RYR1: variants seen among roughly 807,000 people sequenced by gnomAD.
The protein encoded by RYR1 is central core disease of muscle.
A neutral mutation model predicts 583.5 loss-of-function variants in RYR1; 342 were observed. The ratio of observed to expected loss-of-function variants is 0.59; its 90% CI spans 0.54 to 0.64. The LOEUF (loss-of-function observed/expected upper bound fraction) is 0.64, where lower values mean the gene tolerates loss of function less well. RYR1 is among the 30% of genes least tolerant of loss of function. RYR1 has a pLI of 0.00. For missense variants in RYR1, 6,032 were observed against 6,917.2 expected (o/e 0.87, Z 4.54); for synonymous variants, 2,791 against 2,822.5 (o/e 0.99, Z 0.35).
intron 25 of RYR1, among the ~76,000 whole-genome samples, chr19:38,468,682 C>T (rs143955076): frequency 1.3e-5 from 2 of 152,222 alleles, no homozygotes; most frequent in Non-Finnish European, 2.9e-5. Flanking sequence ...TCCAGCCCCC[C>T]ACTACCACTT....
intron 93 of RYR1, 101 bp from the exon 94 acceptor site, chr19:38,570,506 T>A: frequency 2.5e-6 from 2 of 790,410 alleles, no homozygotes; most frequent in South Asian, 2.8e-5. Context: ...GGAAAGATAT[T>A]GAGAGCCCAG....
chr19:38,469,968 G>A (rs904368966), intron 27 of RYR1, among the ~76,000 whole-genome samples: 1 of 152,044 alleles, frequency 6.6e-6, no homozygotes, highest in Admixed American at 6.6e-5. Context: ...TACTCAGGAG[G>A]TTGAGACTGG....
intron 96 of RYR1, among the ~76,000 whole-genome samples, chr19:38,574,108 A>T (rs1276691051): frequency 6.6e-6 from 1 of 152,028 alleles, no homozygotes; most frequent in Non-Finnish European, 1.5e-5. Context: ...TACTAAAAAT[A>T]CAAAAAGTAG....
chr19:38,561,063 A>C lies in RYR1; in HGVS notation c.12283-50A>C. The C allele has an allele frequency of 7.2e-7, 1 of 1,388,942 alleles. No individual in the cohort carries two copies. Among genetic ancestry groups the C allele is most frequent in the Non-Finnish European group, 1.0e-6 (1 of 999,182 alleles). 86.0% of individuals were successfully genotyped at this position (1,388,942 alleles called of 1,614,324 possible). A position where few individuals can be genotyped will look rare whatever the true frequency, so the allele number is the denominator to read the frequency against. On this transcript the variant is annotated intron_variant, in intron 89 of 105. Transcript: ENST00000359596. This position sits in a 1 kb window ranked among gnomAD's most constrained non-coding sequence, Gnocchi z 4.8. ...CTTAAAAAAAAAAAAAAAAAGAGAG[A>C]GAATTGAGGCTCTCCAGGTCACCCC...
chr19:38,490,565 C>G, intron 36 of RYR1, 56 bp from the exon 37 acceptor site: 1 of 1,141,042 alleles, frequency 8.8e-7, no homozygotes. Flanking sequence ...TCTCTGATCT[C>G]AGAGTTCCTG....
intron 50 of RYR1, 53 bp from the exon 51 acceptor site, chr19:38,504,695 G>A: frequency 6.2e-7 from 1 of 1,603,972 alleles, no homozygotes; most frequent in Non-Finnish European, 8.5e-7. Flanking sequence ...AGGTCCTGGG[G>A]GTCAGTAAGG....
At chr19:38,540,134 A>G (rs1972135450) in intron 84 of RYR1, among the ~76,000 whole-genome samples, 1 of 152,136 alleles carries the variant, frequency 6.6e-6, no homozygotes, top group African/African-American at 2.4e-5. Flanking sequence ...AAATACTTTC[A>G]GGGGCTGTTA....
intron 84 of RYR1, among the ~76,000 whole-genome samples, chr19:38,541,422 A>C (rs7245673): frequency 0.057 from 7,916 of 138,882 alleles, 718 homozygotes; most frequent in African/African-American, 0.2. Context: ...TCAATGTAAA[A>C]AGGATTTCCT....
rs1970366591 is a variant in RYR1, at chr19:38,504,829, G to A, written c.8149G>A (p.Ala2717Thr). Reference protein sequence around the residue: ...AGALPPDYVDASYSSKAEKKA... With the variant: ...AGALPPDYVDTSYSSKAEKKA... ...GGCTCTGCCCCCCGACTATGTGGAT[G>A]CCTCATACTCATCTAAGGCAGAGAA... The change falls in exon 51 of 106, where the codon GCC becomes ACC. Residue 2717 changes from alanine to threonine, a missense_variant. This residue lies in a region of RYR1 where 1,493 missense variants were observed against 1,715.5 expected (regional missense o/e 0.87). Transcript: ENST00000359596. The A allele has an allele frequency of 5.0e-6, 8 of 1,613,956 alleles. No individual in the cohort carries two copies. The highest frequency in any genetic ancestry group is 5.9e-6 in the Non-Finnish European group (7 of 1,179,980).
chr19:38,516,450 T>C lies in RYR1; in HGVS notation c.9685+233T>C, dbSNP rs2915943. Among the ~76,000 whole-genome samples the C allele has an allele frequency of 0.049, 7,518 of 152,224 alleles. 633 individuals carry two copies. The highest frequency in any genetic ancestry group is 0.17 in the African/African-American group (7,048 of 41,486). ...TAATTTGATTTTTGAAAACAGAATC[T>C]ATTGATAAAAGTTAAGAAAAGTAGC... On this transcript the variant is annotated intron_variant, in intron 65 of 105. Transcript: ENST00000359596.
At position 38,433,892 on chromosome 19, in the gene RYR1, A is replaced by AG; in HGVS notation, c.45+22dup. On this transcript the variant is annotated intron_variant, in intron 1 of 105. Transcript: ENST00000359596. ...TGCGGACGGTGCGTATCTCTGGGTT[A>AG]GGGGCCTGTGGGGCTATCTCTTGGG... is the stretch of plus-strand genomic sequence containing the variant. 1 of 1,610,720 alleles carries AG rather than the reference A, an allele frequency of 6.2e-7. No individual in the cohort carries two copies. The highest frequency in any genetic ancestry group is 8.5e-7 in the Non-Finnish European group (1 of 1,177,054).
At position 38,466,086 on chromosome 19, in the gene RYR1, C is replaced by T. The variant is rs45585535; in HGVS notation, c.2871-5C>T. ...TTGTCCCATGGAGCCCTACCATGCC[C>T]GCAGGTATATGATGAGCAATGGGTA... On this transcript the variant is annotated splice_polypyrimidine_tract_variant and splice_region_variant and intron_variant, in intron 23 of 105. Coordinates refer to ENST00000359596, the MANE Select transcript of RYR1 (RefSeq NM_000540.3). 50,487 of 1,605,616 alleles carry T rather than the reference C, an allele frequency of 0.031. 1,122 individuals carry two copies. Among genetic ancestry groups the T allele is most frequent in the Non-Finnish European group, 0.033 (38,551 of 1,176,548 alleles).
intron 58 of RYR1, among the ~76,000 whole-genome samples, chr19:38,509,453 T>TA (rs1970629308): frequency 2.0e-5 from 2 of 100,500 alleles, no homozygotes; most frequent in Admixed American, 2.2e-4. Flanking sequence ...TATTATTATT[T>TA]TTTTTTTTTT....
intron 50 of RYR1, 49 bp downstream of exon 50, chr19:38,504,409 C>A (rs759419407): frequency 6.3e-7 from 1 of 1,598,820 alleles, no homozygotes; most frequent in Non-Finnish European, 8.5e-7. Context: ...GGGTTTGGGG[C>A]CCAAAATTGG....
At chr19:38,523,808 C>T (rs941652047) in intron 69 of RYR1, 107 bp from the exon 70 acceptor site, 22 of 1,429,574 alleles carry the variant, frequency 1.5e-5, no homozygotes, top group Middle Eastern at 1.7e-4. Context: ...GAATACATGG[C>T]GGGTGGGGCA....
intron 16 of RYR1, among the ~76,000 whole-genome samples, chr19:38,455,965 A>ATTT (rs1568448503): frequency 7.6e-6 from 1 of 132,110 alleles, no homozygotes; most frequent in Non-Finnish European, 1.6e-5. Context: ...GATCTCTGAA[A>ATTT]TGTTTTTTTT....
chr19:38,464,272 G>A lies in RYR1; in HGVS notation c.2787-367G>A, dbSNP rs576262161. Among the ~76,000 whole-genome samples the A allele has an allele frequency of 3.2e-3, 280 of 87,382 alleles. 2 individuals are homozygous for A. Among genetic ancestry groups the A allele is most frequent in the African/African-American group, 0.013 (270 of 21,062 alleles). 57.3% of individuals were successfully genotyped at this position (87,382 alleles called of 152,430 possible). On this transcript the variant is annotated intron_variant, in intron 22 of 105. Transcript: ENST00000359596. ...AGCCTGGGCGACAGAGCGAGACACC[G>A]TTTCAGAAAAAAAAAAAAAAAAAAA...
chr19:38,541,624 G>GTGGATCACA (rs1193360687), intron 84 of RYR1, among the ~76,000 whole-genome samples: 4 of 151,432 alleles, frequency 2.6e-5, no homozygotes, highest in East Asian at 1.9e-4. Flanking sequence ...GCTGAGGCAG[G>GTGGATCACA]AGAATTGCTT....
chr19:38,510,772 T>C lies in RYR1; in HGVS notation c.9113T>C (p.Met3038Thr), dbSNP rs1294252099. ...CACGCCTCTAACAAGGAGAAGGAAA[T>C]GATCACCAGGTGGGCCGCCTGTGAC... ...GGHASNKEKEMITSLFCKLAA... is the reference protein window; with the variant it reads ...GGHASNKEKETITSLFCKLAA... The change falls in exon 60 of 106, where the codon ATG becomes ACG. Residue 3038 changes from methionine (M) to threonine (T), a missense_variant. Coordinates refer to ENST00000359596, the MANE Select transcript of RYR1 (RefSeq NM_000540.3). The C allele has an allele frequency of 2.5e-6, 4 of 1,614,134 alleles. No individual in the cohort carries two copies. In the African/African-American group the frequency reaches 4.0e-5, roughly 16 times the overall value.
Sources: allele counts gnomAD v4.1 joint callset (sites outside exome capture counted in the v4.1 genomes callset), GRCh38; gene constraint gnomAD v4.1.1; regional missense constraint gnomAD v4.1.1; non-coding constraint Gnocchi (gnomAD v3.1); transcripts MANE v1.5; gene names NCBI Gene and HGNC (gene_info 2026-07-23, HGNC 2026-07-21).